NTN1: variants seen among roughly 807,000 people sequenced by gnomAD.
NTN1 encodes the protein netrin 1, also known as netrin-1.
In NTN1, 11 loss-of-function variants were observed where a neutral mutation model predicts 54.2. That is an observed-to-expected ratio of 0.20 (90% CI 0.13 to 0.34). The LOEUF is 0.34. NTN1 is among the 10% of genes least tolerant of loss of function. The pLI, the probability that NTN1 is intolerant of heterozygous loss-of-function variation, is 1.00. For missense variants in NTN1, 740 were observed against 893.1 expected (o/e 0.83, Z 2.18); for synonymous variants, 371 against 382.0 (o/e 0.97, Z 0.33).
chr17:9,197,165 C>G (rs192955566), intron 5 of NTN1, among the ~76,000 whole-genome samples: 63 of 152,124 alleles, frequency 4.1e-4, no homozygotes, highest in African/African-American at 1.4e-3. Context: ...GTCATCCGAT[C>G]GGGCCTGCAC....
intron 5 of NTN1, among the ~76,000 whole-genome samples, chr17:9,210,170 A>G (rs1374144491): frequency 1.3e-5 from 2 of 152,046 alleles, no homozygotes; most frequent in African/African-American, 4.8e-5. Context: ...CCAGTCCCTG[A>G]ACCATGCCGA....
chr17:9,121,231 T>C (rs2092230799), intron 2 of NTN1, among the ~76,000 whole-genome samples: 1 of 152,166 alleles, frequency 6.6e-6, no homozygotes, highest in Admixed American at 6.5e-5. Context: ...TCTCCTTCTT[T>C]TCCTAGAGGC....
At chr17:9,203,601 G>C (rs7220573) in intron 5 of NTN1, among the ~76,000 whole-genome samples, 1 of 151,602 alleles carries the variant, frequency 6.6e-6, no homozygotes, top group South Asian at 2.1e-4. Flanking sequence ...GAGCTTGAGA[G>C]CAGCCTGGCC....
At chr17:9,196,651 G>C (rs564682094) in intron 5 of NTN1, among the ~76,000 whole-genome samples, 1 of 152,238 alleles carries the variant, frequency 6.6e-6, no homozygotes, top group Non-Finnish European at 1.5e-5. Flanking sequence ...GGAGGGAGGC[G>C]GCCAGTGGGG....
At chr17:9,064,799 T>C (rs567074636) in intron 2 of NTN1, among the ~76,000 whole-genome samples, 65 of 152,236 alleles carry the variant, frequency 4.3e-4, no homozygotes, top group African/African-American at 1.5e-3. Context: ...AGGGTCTTGC[T>C]TTGTTACTCA....
intron 3 of NTN1, among the ~76,000 whole-genome samples, chr17:9,164,710 CCTT>C (rs1192499128): frequency 2.6e-5 from 4 of 152,176 alleles, no homozygotes; most frequent in Admixed American, 2.6e-4. Flanking sequence ...AGCAAGGTGT[CCTT>C]CTGTGTCTGC....
At chr17:9,004,179 C>T in the NTN1 span, among the ~76,000 whole-genome samples, 2 of 152,256 alleles carry the variant, frequency 1.3e-5, no homozygotes, top group Non-Finnish European at 2.9e-5. Flanking sequence ...CCGTCCAAAA[C>T]CCCCGAGGTT....
rs140608537 is a variant in NTN1, at chr17:9,084,075, C to T, written c.1018+60684C>T. Among the ~76,000 whole-genome samples, 762 of 152,120 alleles carry T rather than the reference C, an allele frequency of 5.0e-3. 8 individuals carry two copies. The highest frequency in any genetic ancestry group is 0.016 in the African/African-American group (670 of 41,510). On this transcript the variant is annotated intron_variant, in intron 2 of 6. Coordinates refer to ENST00000173229, the MANE Select transcript of NTN1 (RefSeq NM_004822.3). ...AGCATTCTTTTAGATGGAAAGCTTC[C>T]GAAATATATTTCCAAAAGGATACAG...
chr17:9,029,462 A>G (rs2091882077), intron 2 of NTN1, among the ~76,000 whole-genome samples: 1 of 152,098 alleles, frequency 6.6e-6, no homozygotes, highest in South Asian at 2.1e-4. Context: ...TGATCACATA[A>G]AAGCCGTGTC....
At chr17:9,207,914 T>C (rs896758539) in intron 5 of NTN1, among the ~76,000 whole-genome samples, 1 of 152,210 alleles carries the variant, frequency 6.6e-6, no homozygotes, top group Non-Finnish European at 1.5e-5. Context: ...CCCTCTTTGT[T>C]GTCAAAGAGT....
chr17:9,102,069 T>C (rs1220367661), intron 2 of NTN1, among the ~76,000 whole-genome samples: 2 of 152,130 alleles, frequency 1.3e-5, no homozygotes, highest in African/African-American at 4.8e-5. Flanking sequence ...AAATGCAAAT[T>C]AGAGCCACAA....
Position 9,022,322 on chromosome 17 carries a change from G to A in NTN1, c.-52G>A. The A allele has an allele frequency of 2.4e-6, 3 of 1,262,330 alleles. No homozygotes were observed. The highest frequency in any genetic ancestry group is 6.4e-5 in the South Asian group (2 of 31,324). 78.2% of individuals were successfully genotyped at this position (1,262,330 alleles called of 1,614,324 possible). On this transcript the variant is annotated 5_prime_UTR_variant, in exon 2 of 7. Transcript: ENST00000173229. ...CCTTCTCTCCGCAGGCGCCTTCTGC[G>A]GCAGGCGGACAGATCCTCGGCGCGG... is the stretch of plus-strand genomic sequence containing the variant.
chr17:9,157,167 T>C (rs1597509568), intron 2 of NTN1, among the ~76,000 whole-genome samples: 1 of 152,364 alleles, frequency 6.6e-6, no homozygotes, highest in East Asian at 1.9e-4. Flanking sequence ...GCAAACGCTG[T>C]CCCTATCCTC....
chr17:9,182,869 A>C (rs750757282), intron 4 of NTN1, 47 bp from the exon 5 acceptor site: 1 of 1,595,174 alleles, frequency 6.3e-7, no homozygotes, highest in Admixed American at 1.7e-5. Context: ...ATGTCGTCTT[A>C]CCTTGTTTTC....
rs898759124 is a variant in NTN1 at position 9,022,643 on chromosome 17, G to C, written c.270G>C (p.Ser90=). The change falls in exon 2 of 7, where the codon TCG becomes TCC. Residue 90 remains serine (S), a synonymous_variant. Coordinates refer to ENST00000173229, the MANE Select transcript of NTN1 (RefSeq NM_004822.3). The stretch of plus-strand genomic sequence containing the variant: ...AGCGCGGCGAGGAGCGGCTGCGCTC[G>C]TGCCACCTCTGCAACGCGTCCGACC... The part of the protein sequence containing the change: ...VSERGEERLR[S]CHLCNASDPK... 30 of 1,560,514 alleles carry C rather than the reference G, an allele frequency of 1.9e-5. No homozygotes were observed. In the African/African-American group the frequency reaches 3.5e-4, roughly 18 times the overall value.
At chr17:9,199,600 A>C (rs914553337) in intron 5 of NTN1, among the ~76,000 whole-genome samples, 3 of 152,228 alleles carry the variant, frequency 2.0e-5, no homozygotes, top group African/African-American at 7.2e-5. Flanking sequence ...ACAGTCAGGG[A>C]AAGAGAACAT....
intron 2 of NTN1, among the ~76,000 whole-genome samples, chr17:9,037,564 T>C (rs2091907253): frequency 6.6e-6 from 1 of 152,170 alleles, no homozygotes; most frequent in African/African-American, 2.4e-5. Context: ...ATCTTGAAAA[T>C]TATTATATCA....
chr17:9,233,260 T>C (rs1905875806), intron 6 of NTN1, among the ~76,000 whole-genome samples: 1 of 152,100 alleles, frequency 6.6e-6, no homozygotes, highest in South Asian at 2.1e-4. Context: ...CCCCAGAGTC[T>C]GTGCTGCGGC....
At chr17:9,073,661 C>T (rs2092039965) in intron 2 of NTN1, among the ~76,000 whole-genome samples, 1 of 152,236 alleles carries the variant, frequency 6.6e-6, no homozygotes, top group African/African-American at 2.4e-5. Context: ...GCTTCCTTCC[C>T]TCCAGGGCAA....
Sources: allele counts gnomAD v4.1 joint callset (sites outside exome capture counted in the v4.1 genomes callset), GRCh38; gene constraint gnomAD v4.1.1; transcripts MANE v1.5; gene names NCBI Gene and HGNC (gene_info 2026-07-23, HGNC 2026-07-21).